The following DNAH8 variants were observed in gnomAD, a reference collection of about 807,000 sequenced individuals.
The protein encoded by DNAH8 is axonemal beta dynein heavy chain 8.
A neutral mutation model predicts 562.1 loss-of-function variants in DNAH8; 382 were observed. The ratio of observed to expected loss-of-function variants is 0.68; its 90% confidence interval spans 0.63 to 0.74. The LOEUF is 0.74. Ranked by LOEUF, DNAH8 falls within the 30% of genes least tolerant of loss-of-function variation. The probability of loss-of-function intolerance (pLI) is 0.00; values close to 1 mark genes in which losing one functional copy is unlikely to be tolerated. For synonymous variants in DNAH8, 1,881 were observed against 1,919.4 expected, an observed-to-expected ratio of 0.98 and a Z score of 0.52; for missense variants, 5,203 against 5,620.4, an observed-to-expected ratio of 0.93 and a Z score of 2.37.
intron 64 of DNAH8, 30 bp from the exon 65 acceptor site, chr6:38,909,488 T>C (rs1326373056): frequency 8.7e-6 from 14 of 1,605,840 alleles, no homozygotes; most frequent in Non-Finnish European, 1.2e-5. Context: ...CCTCTGTGTT[T>C]CTAATGTTTG....
At chr6:38,817,827 G>A (rs1772427023) in intron 26 of DNAH8, among the ~76,000 whole-genome samples, 1 of 152,040 alleles carries the variant, frequency 6.6e-6, no homozygotes, top group Non-Finnish European at 1.5e-5. Context: ...AAAATACCTG[G>A]GAAGATAAAT....
chr6:38,760,477 T>A (rs1170831392), intron 10 of DNAH8, among the ~76,000 whole-genome samples: 1 of 152,124 alleles, frequency 6.6e-6, no homozygotes, highest in African/African-American at 2.4e-5. Flanking sequence ...TTTTTACATT[T>A]ATCTTGTTCT....
At chr6:38,829,314 A>G (rs1773632268) in intron 30 of DNAH8, among the ~76,000 whole-genome samples, 1 of 152,046 alleles carries the variant, frequency 6.6e-6, no homozygotes, top group African/African-American at 2.4e-5. Flanking sequence ...GTGTCTTTTG[A>G]TGCACAAAGT....
intron 21 of DNAH8, among the ~76,000 whole-genome samples, chr6:38,801,313 A>G (rs1198902793): frequency 6.6e-6 from 1 of 152,182 alleles, no homozygotes; most frequent in Non-Finnish European, 1.5e-5. Context: ...CATTAACTTT[A>G]CTATTATATG....
At chr6:38,826,120 T>A in intron 28 of DNAH8, 36 bp from the exon 29 acceptor site, 1 of 1,419,424 alleles carries the variant, frequency 7.0e-7, no homozygotes, top group African/African-American at 1.4e-5. Context: ...AGAATGCCAG[T>A]TATATTCTAA....
chr6:38,799,682 T>G (rs1429330964), intron 21 of DNAH8, among the ~76,000 whole-genome samples: 4 of 152,200 alleles, frequency 2.6e-5, no homozygotes, highest in Non-Finnish European at 5.9e-5. Flanking sequence ...TTTACAGAGT[T>G]GCACAACCAT....
chr6:38,771,176 A>G (rs954598192), intron 12 of DNAH8, among the ~76,000 whole-genome samples: 3 of 152,166 alleles, frequency 2.0e-5, no homozygotes, highest in African/African-American at 7.2e-5. Context: ...TCCTGCTAGT[A>G]TTTAGAATCT....
At position 38,923,067 on chromosome 6, in the gene DNAH8, A is replaced by G. The variant is rs746067892; in HGVS notation, c.10672A>G (p.Asn3558Asp). The G allele has an allele frequency of 2.2e-5, 36 of 1,612,758 alleles. No homozygotes were observed. The Admixed American group carries it at 6.0e-4, about 27-fold the overall frequency. Residue 3558 changes from asparagine to aspartate, a missense_variant, in exon 72 of 93, where the codon AAT becomes GAT. Asn to Asp is a conservative substitution (Grantham distance 23). Around this residue, in one of 6 missense-constraint regions of DNAH8, gnomAD observed 1,399 missense variants for 1,518.4 expected, o/e 0.92. Transcript: ENST00000327475. Reference sequence around the variant, plus strand: ...CCCATTATGGCTGCAGGATTTGCTTAATGACGCTGATACGTGCCGGAAAAA... The same window carrying G: ...CCCATTATGGCTGCAGGATTTGCTTGATGACGCTGATACGTGCCGGAAAAA... Reference protein sequence around the residue: ...AAMNEKMDLLNDADTCRKKMQ... With the variant: ...AAMNEKMDLLDDADTCRKKMQ...
At chr6:38,907,254 A>G (rs533036305) in intron 63 of DNAH8, among the ~76,000 whole-genome samples, 2 of 152,284 alleles carry the variant, frequency 1.3e-5, no homozygotes, top group Admixed American at 1.3e-4. Flanking sequence ...CGTCCTCTCC[A>G]TCCAGTATGA....
chr6:38,772,594 G>C (rs920999673), intron 12 of DNAH8, among the ~76,000 whole-genome samples: 4 of 151,830 alleles, frequency 2.6e-5, no homozygotes, highest in South Asian at 2.1e-4. Context: ...ATATATGCTG[G>C]GTATAACTTC....
At position 38,872,796 on chromosome 6, in the gene DNAH8, T is replaced by A. The variant is rs1166424894; in HGVS notation, c.7237+14T>A. 1 of 1,612,580 alleles carries A rather than the reference T, an allele frequency of 6.2e-7. No homozygotes were observed. The highest frequency in any genetic ancestry group is 1.3e-5 in the African/African-American group (1 of 74,806). ...AAGCTAAAAAAGGTATACACAAACC[T>A]CCTTTGTGATCATTTTTTCCCTGCT... is the stretch of plus-strand genomic sequence containing the variant. On this transcript the variant is annotated intron_variant, in intron 50 of 92. Transcript: ENST00000327475.
At chr6:39,004,192 C>A (rs1434954020) in intron 88 of DNAH8, among the ~76,000 whole-genome samples, 1 of 152,158 alleles carries the variant, frequency 6.6e-6, no homozygotes, top group East Asian at 1.9e-4. Flanking sequence ...GCCTGGGCAA[C>A]AGAGCGAGAA....
chr6:38,917,006 C>G (rs1163189294), intron 68 of DNAH8, among the ~76,000 whole-genome samples: 1 of 152,064 alleles, frequency 6.6e-6, no homozygotes, highest in East Asian at 1.9e-4. Flanking sequence ...ATGGCAATGC[C>G]TGTTAGTGAT....
intron 68 of DNAH8, among the ~76,000 whole-genome samples, chr6:38,916,929 C>T (rs1485802239): frequency 1.3e-5 from 2 of 152,136 alleles, no homozygotes; most frequent in Admixed American, 6.5e-5. Context: ...AATATAGACC[C>T]TGTGCTTTGA....
At chr6:38,890,601 A>C (rs1337360989) in intron 57 of DNAH8, 51 bp from the exon 58 acceptor site, 1 of 1,293,914 alleles carries the variant, frequency 7.7e-7, no homozygotes, top group Admixed American at 1.7e-5. Flanking sequence ...ATAAACATAT[A>C]CTTGGAAATC....
intron 37 of DNAH8, among the ~76,000 whole-genome samples, 162 bp downstream of exon 37, chr6:38,848,963 A>G (rs939708794): frequency 2.6e-5 from 4 of 152,178 alleles, no homozygotes; most frequent in Non-Finnish European, 5.9e-5. Context: ...TTTTATTGGA[A>G]CACAACCACA....
At chr6:38,924,211 TCTTA>T (rs1327274629) in intron 73 of DNAH8, 49 bp downstream of exon 73, 3 of 1,587,216 alleles carry the variant, frequency 1.9e-6, no homozygotes, top group Non-Finnish European at 2.6e-6. Context: ...TCATTTTATT[TCTTA>T]CTTACTGAGA....
intron 11 of DNAH8, among the ~76,000 whole-genome samples, chr6:38,767,632 T>A (rs1767145913): frequency 6.6e-6 from 1 of 152,212 alleles, no homozygotes; most frequent in African/African-American, 2.4e-5. Flanking sequence ...AGAATTTGAT[T>A]CCCTTTATAG....
intron 14 of DNAH8, among the ~76,000 whole-genome samples, chr6:38,778,771 G>T (rs1186383438): frequency 1.3e-5 from 2 of 152,110 alleles, no homozygotes; most frequent in African/African-American, 4.8e-5. Context: ...TTGTTGGAAA[G>T]GGAACAAATA....
Sources: gnomAD v4.1 joint callset for allele counts (sites outside exome capture counted in the v4.1 genomes callset) on GRCh38, gnomAD v4.1.1 for gene constraint, gnomAD v4.1.1 regional missense constraint, MANE v1.5 for transcripts, NCBI Gene and HGNC (gene_info 2026-07-23, HGNC 2026-07-21) for gene names.